S100PBP: variants seen among roughly 807,000 people sequenced by gnomAD.
S100PBP encodes S100P binding protein.
S100PBP carries 15 observed loss-of-function variants against 39.9 expected under a neutral mutation model. That is an observed-to-expected ratio of 0.38 (90% CI 0.25 to 0.58). The LOEUF (loss-of-function observed/expected upper bound fraction) is 0.58, where lower values mean the gene tolerates loss of function less well. Among genes scored for constraint, S100PBP ranks in the 20% least tolerant of loss-of-function variants. The pLI is 0.70. For missense variants in S100PBP, 504 were observed against 487.3 expected (o/e 1.03, Z -0.32); for synonymous variants, 178 against 180.3 (o/e 0.99, Z 0.10).
At chr1:32,834,271 C>T (rs1639725016) in intron 5 of S100PBP, among the ~76,000 whole-genome samples, 2 of 151,854 alleles carry the variant, frequency 1.3e-5, no homozygotes, top group Admixed American at 1.3e-4. Context: ...TTCCATATTC[C>T]AATTTCCTTA....
chr1:32,827,566 T>C (rs1569852584), intron 3 of S100PBP, among the ~76,000 whole-genome samples: 1 of 151,986 alleles, frequency 6.6e-6, no homozygotes, highest in African/African-American at 2.4e-5. Flanking sequence ...TCACTGCAAC[T>C]CCCGCCTCTC....
upstream of S100PBP, chr1:32,817,178 C>A (rs770928914): frequency 1.2e-6 from 2 of 1,614,166 alleles, no homozygotes; most frequent in African/African-American, 1.3e-5. Flanking sequence ...TTCCAACCCC[C>A]AGGCCTGACC....
At chr1:32,837,497 G>A (rs1233683480) in intron 5 of S100PBP, among the ~76,000 whole-genome samples, 10 of 144,500 alleles carry the variant, frequency 6.9e-5, no homozygotes, top group Non-Finnish European at 3.1e-5. Context: ...CCCGGGAGGT[G>A]GAGGTTGCGG....
At chr1:32,827,887 G>A (rs1415698220) in intron 3 of S100PBP, 106 bp from the exon 4 acceptor site, 1 of 732,696 alleles carries the variant, frequency 1.4e-6, no homozygotes, top group Admixed American at 2.1e-5. Flanking sequence ...TCACGAATAG[G>A]CTTTTGTAGC....
intron 5 of S100PBP, among the ~76,000 whole-genome samples, chr1:32,842,060 A>G (rs1455960845): frequency 1.3e-5 from 2 of 150,926 alleles, no homozygotes; most frequent in Non-Finnish European, 2.9e-5. Flanking sequence ...ATGGTGACAT[A>G]CACCTGTAGT....
rs888400058 is a variant in S100PBP at position 32,857,167 on chromosome 1, C to G, written c.*1129C>G. On this transcript the variant is annotated 3_prime_UTR_variant, in exon 7 of 7. Transcript: ENST00000373475. ...ATCTCATTTGGTCAAGCCCCTGATA[C>G]CTAGTTTCACATGGATGCTAACGTG... The G allele has an allele frequency of 1.3e-5, 2 of 152,142 alleles. No homozygotes were observed. The highest frequency in any genetic ancestry group is 2.9e-5 in the Non-Finnish European group (2 of 68,022). The allele number at this position is 152,142 out of a possible 1,614,324, so 9.4% of individuals were successfully genotyped here. A position where few individuals can be genotyped will look rare whatever the true frequency, so the allele number is the denominator to read the frequency against.
chr1:32,832,810 T>C (rs1639658033), intron 5 of S100PBP, among the ~76,000 whole-genome samples: 1 of 152,168 alleles, frequency 6.6e-6, no homozygotes, highest in South Asian at 2.1e-4. Flanking sequence ...TAGTAAGGAG[T>C]AGATTCAAAT....
chr1:32,851,615 G>A (rs560675976), intron 5 of S100PBP, among the ~76,000 whole-genome samples: 2 of 151,282 alleles, frequency 1.3e-5, no homozygotes, highest in East Asian at 3.9e-4. Context: ...GCGGTGAGCC[G>A]AGATCACACC....
At chr1:32,834,793 A>G (rs1333621212) in intron 5 of S100PBP, 3 of 152,186 alleles carry the variant, frequency 2.0e-5, no homozygotes, top group Non-Finnish European at 2.9e-5. Flanking sequence ...TTGCTTGAGC[A>G]TTTATTGATG....
intron 6 of S100PBP, among the ~76,000 whole-genome samples, chr1:32,854,443 A>C (rs187808065): frequency 6.6e-6 from 1 of 152,184 alleles, no homozygotes; most frequent in Non-Finnish European, 1.5e-5. Flanking sequence ...TACAGATGGA[A>C]CCATTCATTT....
intron 4 of S100PBP, 38 bp from the exon 5 acceptor site, chr1:32,829,926 T>C (rs1307201228): frequency 2.9e-6 from 4 of 1,398,240 alleles, no homozygotes; most frequent in Middle Eastern, 1.8e-4. Flanking sequence ...CTGTTTCTAA[T>C]GGGCTGTTTT....
In S100PBP at chr1:32,826,377, A is replaced by G; in HGVS notation, c.278A>G (p.Asp93Gly). 2 of 1,614,108 alleles carry G rather than the reference A, an allele frequency of 1.2e-6. No homozygotes were observed. Among genetic ancestry groups the G allele is most frequent in the Non-Finnish European group, 1.7e-6 (2 of 1,180,010 alleles). Reference protein sequence around the residue: ...KGERGSQILLDTPREKNSSYS... With the variant: ...KGERGSQILLGTPREKNSSYS... ...GAAAGAGGGAGTCAAATTCTACTTG[A>G]TACTCCCCGAGAGAAAAATTCATCG... The change falls in exon 3 of 7, where the codon GAT becomes GGT. Residue 93 changes from aspartate (D) to glycine (G), a missense_variant. Physicochemically the swap from Asp to Gly is moderately conservative, Grantham distance 94 (BLOSUM62 -1). Coordinates refer to ENST00000373475, the MANE Select transcript of S100PBP (RefSeq NM_022753.4).
chr1:32,825,429 A>G lies in S100PBP; in HGVS notation c.-3A>G, dbSNP rs1383023658. ...AGAGATTGCTCCAGCAGCTCCACAC[A>G]GTATGGAAGACAGTTATTTACCTTC... On this transcript the variant is annotated splice_region_variant and 5_prime_UTR_variant, in exon 2 of 7. Coordinates refer to ENST00000373475, the MANE Select transcript of S100PBP (RefSeq NM_022753.4). 3 of 152,272 alleles carry G rather than the reference A, an allele frequency of 2.0e-5. No individual in the cohort carries two copies. Among genetic ancestry groups the G allele is most frequent in the Non-Finnish European group, 4.4e-5 (3 of 68,060 alleles). The allele number at this position is 152,272 out of a possible 1,614,324, so 9.4% of individuals were successfully genotyped here. A position where few individuals can be genotyped will look rare whatever the true frequency, so the allele number is the denominator to read the frequency against.
chr1:32,831,717 C>T (rs1263519533), intron 5 of S100PBP, among the ~76,000 whole-genome samples: 2 of 152,028 alleles, frequency 1.3e-5, no homozygotes, highest in East Asian at 1.9e-4. Context: ...CCTCTCCCCC[C>T]ATCATTGGAG....
chr1:32,825,055 C>G (rs920431336), intron 1 of S100PBP: 1 of 151,976 alleles, frequency 6.6e-6, no homozygotes, highest in Non-Finnish European at 1.5e-5. Context: ...CAGTATTCAT[C>G]CTACTAAAGT....
intron 4 of S100PBP, among the ~76,000 whole-genome samples, chr1:32,829,573 C>A (rs182354896): frequency 2.0e-4 from 31 of 152,244 alleles, no homozygotes; most frequent in Admixed American, 1.2e-3. Flanking sequence ...AGTCATCCTC[C>A]CTCCTCAGCC....
intron 1 of S100PBP, among the ~76,000 whole-genome samples, chr1:32,821,729 G>A (rs1557479084): frequency 6.6e-6 from 1 of 151,866 alleles, no homozygotes; most frequent in Non-Finnish European, 1.5e-5. Context: ...CCGCCTCCTG[G>A]GTTTCAGCGA....
At chr1:32,832,284 T>C (rs1258163875) in intron 5 of S100PBP, among the ~76,000 whole-genome samples, 1 of 152,232 alleles carries the variant, frequency 6.6e-6, no homozygotes, top group Non-Finnish European at 1.5e-5. Context: ...CTGAAGTTTT[T>C]TTTTTTAGGT....
chr1:32,824,513 T>TA (rs1221794804), intron 1 of S100PBP, among the ~76,000 whole-genome samples: 2 of 152,002 alleles, frequency 1.3e-5, no homozygotes, highest in Non-Finnish European at 2.9e-5. Context: ...AACCTTGACC[T>TA]ACCTTTATGG....
Sources: gnomAD v4.1 joint callset for allele counts (sites outside exome capture counted in the v4.1 genomes callset) on GRCh38, gnomAD v4.1.1 for gene constraint, MANE v1.5 for transcripts, NCBI Gene and HGNC (gene_info 2026-07-23, HGNC 2026-07-21) for gene names.